ANXA9: variants seen among roughly 807,000 people sequenced by gnomAD.
The protein encoded by ANXA9 is annexin A9.
A neutral mutation model predicts 51.8 loss-of-function variants in ANXA9; 47 were observed. The ratio of observed to expected loss-of-function variants is 0.91; its 90% CI spans 0.72 to 1.16. ANXA9 has a LOEUF of 1.16. Ranked by LOEUF, ANXA9 falls within the 50% of genes most tolerant of loss-of-function variation. ANXA9 has a pLI of 0.00. For synonymous variants in ANXA9, 154 were observed against 168.7 expected (o/e 0.91, Z 0.68); for missense variants, 361 against 424.7 (o/e 0.85, Z 1.32).
intron 13 of ANXA9, 196 bp downstream of exon 13, chr1:150,994,895 C>T: frequency 1.3e-6 from 1 of 791,144 alleles, no homozygotes; most frequent in Non-Finnish European, 1.5e-6. Context: ...AGTTCAAGAC[C>T]ACCCTGACCA....
upstream of ANXA9, among the ~76,000 whole-genome samples, chr1:150,980,406 A>G (rs952655110): frequency 2.0e-5 from 3 of 151,814 alleles, no homozygotes; most frequent in Non-Finnish European, 4.4e-5. Flanking sequence ...AAAAAAAAAA[A>G]TGTTAGTATA....
At chr1:150,990,961 G>A (rs1671682612) in intron 12 of ANXA9, among the ~76,000 whole-genome samples, 2 of 151,970 alleles carry the variant, frequency 1.3e-5, no homozygotes, top group East Asian at 1.9e-4. Flanking sequence ...TGGCTAACAA[G>A]GTAAAACCCT....
chr1:150,988,061 A>G lies in ANXA9; in HGVS notation c.698-30A>G, dbSNP rs1429383707. The G allele has an allele frequency of 2.5e-6, 4 of 1,613,984 alleles. No individual in the cohort carries two copies. In the South Asian group the frequency reaches 3.3e-5, roughly 13 times the overall value. ...TCCAGAGATAATTAATCCCCCATCCATCTTTCTAACTGCCTCCTACACACA... is the reference window on the plus strand; with the variant it reads ...TCCAGAGATAATTAATCCCCCATCCGTCTTTCTAACTGCCTCCTACACACA... On this transcript the variant is annotated intron_variant, in intron 10 of 13. Transcript: ENST00000368947.
chr1:150,990,091 T>A (rs1671660046), intron 12 of ANXA9, among the ~76,000 whole-genome samples: 1 of 151,876 alleles, frequency 6.6e-6, no homozygotes, highest in Non-Finnish European at 1.5e-5. Context: ...GGAGGATCGC[T>A]TGAGGTCAGG....
intron 2 of ANXA9, 145 bp from the exon 3 acceptor site, chr1:150,982,945 C>T: frequency 1.6e-6 from 1 of 618,600 alleles, no homozygotes; most frequent in Non-Finnish European, 2.8e-6. Context: ...TTTCTGGCTC[C>T]AAGCCTAAGC....
rs761544489 is a variant in ANXA9 at position 150,984,270 on chromosome 1, A to G, written c.268-11A>G. ...CCCCCGTCCCTCTGCTGTGAGGACCATTTATTGTAGGACCTGATGAAGTCT... is the reference window on the plus strand; with the variant it reads ...CCCCCGTCCCTCTGCTGTGAGGACCGTTTATTGTAGGACCTGATGAAGTCT... On this transcript the variant is annotated splice_polypyrimidine_tract_variant and intron_variant, in intron 5 of 13. Transcript: ENST00000368947. The G allele has an allele frequency of 1.2e-6, 2 of 1,612,558 alleles. No homozygotes were observed. Among genetic ancestry groups the G allele is most frequent in the East Asian group, 2.2e-5 (1 of 44,868 alleles).
rs766835678 is a variant in ANXA9 at position 150,994,707 on chromosome 1, T to C, written c.975+8T>C. ...CTCTACTCTTCTCTCCAGGTGAAAC[T>C]TGGCTACTTCTTAGCCTGGAGCCTC... On this transcript the variant is annotated splice_region_variant and intron_variant, in intron 13 of 13. Coordinates refer to ENST00000368947, the MANE Select transcript of ANXA9 (RefSeq NM_003568.3). The C allele has an allele frequency of 6.2e-7, 1 of 1,613,848 alleles. No individual in the cohort carries two copies. Among genetic ancestry groups the C allele is most frequent in the Non-Finnish European group, 8.5e-7 (1 of 1,179,752 alleles).
chr1:150,977,878 G>C (rs1460879189), upstream of ANXA9, among the ~76,000 whole-genome samples: 1 of 152,240 alleles, frequency 6.6e-6, no homozygotes, highest in Non-Finnish European at 1.5e-5. Flanking sequence ...GCTTATGCCT[G>C]TAATCCCAAC....
At chr1:150,991,297 C>T (rs1019048981) in intron 12 of ANXA9, among the ~76,000 whole-genome samples, 7 of 151,180 alleles carry the variant, frequency 4.6e-5, no homozygotes, top group African/African-American at 9.7e-5. Flanking sequence ...AGTGCAGTGG[C>T]GCGATCTCGG....
intron 12 of ANXA9, among the ~76,000 whole-genome samples, chr1:150,991,116 C>T (rs1028724576): frequency 1.3e-5 from 2 of 149,896 alleles, no homozygotes; most frequent in African/African-American, 4.9e-5. Flanking sequence ...GCACTCCAGC[C>T]TGGGCAACAG....
chr1:150,983,022 G>C, intron 2 of ANXA9, 68 bp from the exon 3 acceptor site: 1 of 1,210,092 alleles, frequency 8.3e-7, no homozygotes, highest in South Asian at 1.3e-5. Context: ...CAGGGTCTCG[G>C]GGGGGTCATA....
At chr1:150,993,492 A>T (rs1009749747) in intron 12 of ANXA9, among the ~76,000 whole-genome samples, 1 of 151,530 alleles carries the variant, frequency 6.6e-6, no homozygotes, top group Non-Finnish European at 1.5e-5. Flanking sequence ...TAGTTTTAAT[A>T]GAGACGGGGG....
intron 2 of ANXA9, among the ~76,000 whole-genome samples, chr1:150,982,789 G>GCCTGAGGA (rs1261839717): frequency 6.6e-6 from 1 of 152,166 alleles, no homozygotes; most frequent in Admixed American, 6.5e-5. Context: ...GCGGACCAAG[G>GCCTGAGGA]CCTGAGGAGC....
intron 9 of ANXA9, 45 bp from the exon 10 acceptor site, chr1:150,987,827 C>A: frequency 6.5e-7 from 1 of 1,549,582 alleles, no homozygotes; most frequent in Non-Finnish European, 8.9e-7. Context: ...AGGCCCCAAC[C>A]AATGATCCTG....
chr1:150,985,219 CAAAT>C (rs1446458509), intron 7 of ANXA9, among the ~76,000 whole-genome samples: 3 of 145,086 alleles, frequency 2.1e-5, no homozygotes, highest in Non-Finnish European at 3.1e-5. Flanking sequence ...CACACACACA[CAAAT>C]AAAGAGAGAG....
intron 9 of ANXA9, 87 bp from the exon 10 acceptor site, chr1:150,987,785 T>C (rs1671602971): frequency 2.8e-6 from 3 of 1,062,874 alleles, no homozygotes; most frequent in South Asian, 3.0e-5. Context: ...ATGATGATGA[T>C]AGATTCTGGA....
At chr1:150,991,765 CTT>C (rs587682791) in intron 12 of ANXA9, among the ~76,000 whole-genome samples, 3 of 144,834 alleles carry the variant, frequency 2.1e-5, no homozygotes, top group African/African-American at 7.5e-5. Flanking sequence ...TGGTGGCAAA[CTT>C]TTTTTTTTTT....
In ANXA9 at chr1:150,995,338, C is replaced by A; in HGVS notation, c.*16C>A. 1 of 1,588,622 alleles carries A rather than the reference C, an allele frequency of 6.3e-7. No individual in the cohort carries two copies. Among genetic ancestry groups the A allele is most frequent in the South Asian group, 1.1e-5 (1 of 87,452 alleles). Reference sequence around the variant, plus strand: ...AGACATGTGAGACTTCCCTGCCCCACCCCACATGACATCCGAGGATCTGAG... The same window carrying A: ...AGACATGTGAGACTTCCCTGCCCCAACCCACATGACATCCGAGGATCTGAG... On this transcript the variant is annotated 3_prime_UTR_variant, in exon 14 of 14. Coordinates refer to ENST00000368947, the MANE Select transcript of ANXA9 (RefSeq NM_003568.3).
At position 150,988,302 on chromosome 1, in the gene ANXA9, A is replaced by G; in HGVS notation, c.813A>G (p.Thr271=). 1 of 1,614,156 alleles carries G rather than the reference A, an allele frequency of 6.2e-7. No homozygotes were observed. Among genetic ancestry groups the G allele is most frequent in the Non-Finnish European group, 8.5e-7 (1 of 1,180,026 alleles). ...LLGLASVIKN[T]PLYFADKLHQ... ...TTCCAGCTTCGGTGATCAAGAACAC[A>G]CCGCTGTACTTTGCTGACAAACTTC... The change falls in exon 12 of 14, where the codon ACA becomes ACG. Residue 271 remains threonine, a synonymous_variant. Coordinates refer to ENST00000368947, the MANE Select transcript of ANXA9 (RefSeq NM_003568.3).
Sources: allele counts gnomAD v4.1 joint callset (sites outside exome capture counted in the v4.1 genomes callset), GRCh38; gene constraint gnomAD v4.1.1; transcripts MANE v1.5; gene names NCBI Gene and HGNC (gene_info 2026-07-23, HGNC 2026-07-21).